The following RBFOX1 variants were observed in gnomAD, a reference collection of about 807,000 sequenced individuals.
The protein encoded by RBFOX1 is RNA binding protein fox-1 homolog 1.
Under a neutral mutation model 57.7 loss-of-function variants are expected in RBFOX1, and 8 were observed. That is an observed-to-expected ratio of 0.14 (90% CI 0.08 to 0.25). The LOEUF is 0.25. Ranked by LOEUF, RBFOX1 falls within the 10% of genes least tolerant of loss-of-function variation. The pLI is 1.00. For missense variants in RBFOX1, 611 were observed against 548.5 expected (o/e 1.11, Z -1.14); for synonymous variants, 326 against 222.4 (o/e 1.47, Z -4.15).
rs182606174 is a variant in RBFOX1 at position 5,466,760 on chromosome 16, G to A, written c.220-456G>A. Among the ~76,000 whole-genome samples, 25 of 152,258 alleles carry A rather than the reference G, an allele frequency of 1.6e-4. No individual in the cohort carries two copies. The East Asian group carries it at 4.8e-3, about 29-fold the overall frequency. ...TGCTCCAGGCTGCCTCCTAGAGCTT[G>A]TCCATTGTCCCTGCCCCAGGGAGTG... On this transcript the variant is annotated intron_variant, in intron 1 of 2. Coordinates refer to the RBFOX1 transcript ENST00000585867.
At chr16:5,661,494 A>G (rs2049649140) in intron 3 of RBFOX1, among the ~76,000 whole-genome samples, 1 of 152,164 alleles carries the variant, frequency 6.6e-6, no homozygotes, top group Non-Finnish European at 1.5e-5. Flanking sequence ...AGATATCCAG[A>G]TTTTCCCAGT....
chr16:7,709,467 T>TC (rs749972062), intron 15 of RBFOX1: 37 of 1,443,788 alleles, frequency 2.6e-5, no homozygotes, highest in Admixed American at 6.0e-5. Flanking sequence ...TCTTTTTTTT[T>TC]CCCTCCCTTG....
intron 1 of RBFOX1, among the ~76,000 whole-genome samples, chr16:6,174,479 C>T (rs1248748889): frequency 2.0e-5 from 3 of 152,100 alleles, no homozygotes; most frequent in African/African-American, 7.2e-5. Context: ...CCTGTAGTCC[C>T]AACTATTGGG....
intron 1 of RBFOX1, among the ~76,000 whole-genome samples, chr16:6,138,904 C>A (rs1380867873): frequency 6.6e-6 from 1 of 152,086 alleles, no homozygotes; most frequent in Non-Finnish European, 1.5e-5. Flanking sequence ...ATCCAATCAC[C>A]TTCGCTATAT....
At chr16:5,267,610 T>C (rs929819664) in intron 1 of RBFOX1, among the ~76,000 whole-genome samples, 1 of 151,896 alleles carries the variant, frequency 6.6e-6, no homozygotes, top group African/African-American at 2.4e-5. Flanking sequence ...ACACATAAGG[T>C]TTGAGTTGAG....
intron 3 of RBFOX1, among the ~76,000 whole-genome samples, chr16:6,940,229 T>G (rs2078127120): frequency 6.6e-6 from 1 of 151,922 alleles, no homozygotes; most frequent in South Asian, 2.1e-4. Flanking sequence ...TAGGTACAGG[T>G]AGGTTACCTC....
chr16:7,368,266 A>C (rs771687038), intron 4 of RBFOX1, among the ~76,000 whole-genome samples: 3 of 136,512 alleles, frequency 2.2e-5, no homozygotes, highest in Admixed American at 7.1e-5. Flanking sequence ...GACTGTCTCG[A>C]AAAAAAAAAA....
intron 2 of RBFOX1, among the ~76,000 whole-genome samples, chr16:6,358,042 C>T (rs758473403): frequency 4.3e-4 from 66 of 151,820 alleles, no homozygotes; most frequent in Non-Finnish European, 8.4e-4. Context: ...CCTGAAGTTT[C>T]GGCTTCATCA....
intron 1 of RBFOX1, among the ~76,000 whole-genome samples, chr16:6,052,869 T>G (rs972950772): frequency 1.9e-4 from 29 of 150,924 alleles, no homozygotes; most frequent in Admixed American, 6.6e-4. Context: ...TGTGCAGGTA[T>G]TAGATGAGAT....
intron 1 of RBFOX1, among the ~76,000 whole-genome samples, chr16:5,426,709 T>G (rs776026271): frequency 2.6e-5 from 4 of 152,198 alleles, no homozygotes; most frequent in Non-Finnish European, 5.9e-5. Flanking sequence ...GTTTTTTCTG[T>G]TATCGCTCCA....
chr16:5,488,501 T>C (rs1168914270), intron 2 of RBFOX1, among the ~76,000 whole-genome samples: 1 of 146,334 alleles, frequency 6.8e-6, no homozygotes, highest in Non-Finnish European at 1.5e-5. Context: ...TGGAGGATTA[T>C]AGTGATGATG....
intron 4 of RBFOX1, among the ~76,000 whole-genome samples, chr16:7,224,867 C>T (rs187244770): frequency 1.3e-5 from 2 of 152,252 alleles, no homozygotes; most frequent in East Asian, 1.9e-4. Flanking sequence ...TCAGAATGTG[C>T]ACTTTACCAC....
chr16:6,269,462 A>G (rs1217972574), intron 1 of RBFOX1, among the ~76,000 whole-genome samples: 1 of 152,188 alleles, frequency 6.6e-6, no homozygotes, highest in Non-Finnish European at 1.5e-5. Flanking sequence ...TGAAAAGTCA[A>G]GGCAACGAAA....
intron 1 of RBFOX1, among the ~76,000 whole-genome samples, chr16:5,258,970 C>T (rs1346901839): frequency 3.9e-5 from 6 of 151,968 alleles, no homozygotes; most frequent in East Asian, 1.9e-4. Context: ...CTCCATTTCC[C>T]ATCTGGCCCC....
At chr16:6,646,714 C>CT (rs1291053363) in intron 2 of RBFOX1, among the ~76,000 whole-genome samples, 1 of 152,094 alleles carries the variant, frequency 6.6e-6, no homozygotes. Flanking sequence ...GTGGTATTTT[C>CT]TAGGTTTAAA....
intron 4 of RBFOX1, among the ~76,000 whole-genome samples, chr16:5,904,372 G>A (rs1208260269): frequency 6.6e-6 from 1 of 152,030 alleles, no homozygotes; most frequent in Non-Finnish European, 1.5e-5. Flanking sequence ...TCCATCACTT[G>A]GGGACAGGTG....
At chr16:7,664,888 C>G (rs1334965507) in intron 12 of RBFOX1, 41 bp from the exon 13 acceptor site, 1 of 1,613,716 alleles carries the variant, frequency 6.2e-7, no homozygotes, top group African/African-American at 1.3e-5. Flanking sequence ...ATGGGAAATG[C>G]ACTAATATGG....
chr16:5,384,761 C>T (rs547245957), intron 1 of RBFOX1, among the ~76,000 whole-genome samples: 2 of 152,182 alleles, frequency 1.3e-5, no homozygotes, highest in Non-Finnish European at 2.9e-5. Context: ...GGACTAGAGA[C>T]TCTAGGGCCA....
At chr16:5,999,883 AAAAAAAAAAAAAAAAAAAAAAAAAGAG>A (rs2060561049) in intron 4 of RBFOX1, among the ~76,000 whole-genome samples, 2 of 55,526 alleles carry the variant, frequency 3.6e-5, no homozygotes, top group South Asian at 1.1e-3. Flanking sequence ...AAAAAAAAAA[AAAAAAAAAAAAAAAAAAAAAAAAAGAG>A]TGAAGAAGGG....
Sources: gnomAD v4.1 joint callset for allele counts (sites outside exome capture counted in the v4.1 genomes callset) on GRCh38, gnomAD v4.1.1 for gene constraint, MANE v1.5 for transcripts, NCBI Gene and HGNC (gene_info 2026-07-23, HGNC 2026-07-21) for gene names.